TOM1L2: variants seen among roughly 807,000 people sequenced by gnomAD.
TOM1L2 encodes TOM1-like protein 2.
Under a neutral mutation model 67.9 loss-of-function variants are expected in TOM1L2, and 31 were observed. The observed-to-expected ratio is 0.46, with a 90% CI of 0.34 to 0.62. The LOEUF is 0.62. Among genes scored for constraint, TOM1L2 ranks in the 20% least tolerant of loss-of-function variants. The pLI is 0.01. For synonymous variants in TOM1L2, 256 were observed against 254.0 expected (o/e 1.01, Z -0.07); for missense variants, 606 against 663.5 (o/e 0.91, Z 0.95).
intron 4 of TOM1L2, among the ~76,000 whole-genome samples, chr17:17,890,990 T>A (rs1011817832): frequency 3.9e-5 from 6 of 152,184 alleles, no homozygotes; most frequent in Non-Finnish European, 5.9e-5. Context: ...AGGTAAGAGC[T>A]CTTCAGGAAC....
Position 17,847,563 on chromosome 17 carries a change from A to C in TOM1L2, c.*72T>G. On this transcript the variant is annotated 3_prime_UTR_variant, in exon 15 of 15. Coordinates refer to ENST00000379504, the MANE Select transcript of TOM1L2 (RefSeq NM_001082968.2). The stretch of plus-strand genomic sequence containing the variant: ...GGCCGTGTGGAGCTGGGGATGTAGG[A>C]GTGGCCAGTGCCCGGTGTCCACGGG... 6.5e-7 allele frequency: 1 copy of C among 1,530,612 alleles called. No individual in the cohort carries two copies. The highest frequency in any genetic ancestry group is 8.8e-7 in the Non-Finnish European group (1 of 1,141,664). The allele number at this position is 1,530,612 out of a possible 1,614,324, so 94.8% of individuals were successfully genotyped here.
chr17:17,907,207 T>C (rs2039136884), intron 2 of TOM1L2, among the ~76,000 whole-genome samples: 1 of 152,224 alleles, frequency 6.6e-6, no homozygotes, highest in Non-Finnish European at 1.5e-5. Flanking sequence ...CCACTTGTGA[T>C]TAAAAGCAGG....
rs190788582 is a variant in TOM1L2, at chr17:17,900,127, C to T, written c.138-1453G>A. 5.6e-4 allele frequency among the ~76,000 whole-genome samples: 85 copies of T among 151,878 alleles called. 1 individual carries two copies. In the East Asian group the frequency reaches 0.016, roughly 28 times the overall value. On this transcript the variant is annotated intron_variant, in intron 2 of 14. Coordinates refer to ENST00000379504, the MANE Select transcript of TOM1L2 (RefSeq NM_001082968.2). ...GCTCGGGAGGCTGAGGCAGGAGAAT[C>T]GCTTGAACCTGGGAGACGGAGGTTG...
At chr17:17,848,060 T>C (rs2035747809) in intron 14 of TOM1L2, among the ~76,000 whole-genome samples, 1 of 152,186 alleles carries the variant, frequency 6.6e-6, no homozygotes, top group South Asian at 2.1e-4. Context: ...TTTTGTCCAT[T>C]TTCCAGATCA....
At chr17:17,936,140 C>A (rs2040506834) in intron 1 of TOM1L2, among the ~76,000 whole-genome samples, 1 of 152,242 alleles carries the variant, frequency 6.6e-6, no homozygotes, top group Non-Finnish European at 1.5e-5. Flanking sequence ...CTCTCTCCAC[C>A]CTCCCTTCGG....
intron 1 of TOM1L2, among the ~76,000 whole-genome samples, chr17:17,939,059 A>T (rs976786902): frequency 1.3e-5 from 2 of 152,206 alleles, no homozygotes; most frequent in Non-Finnish European, 2.9e-5. Context: ...ATGGGATGAA[A>T]AGGATAAAAT....
chr17:17,911,062 G>A (rs190114974), intron 1 of TOM1L2, among the ~76,000 whole-genome samples: 2 of 152,334 alleles, frequency 1.3e-5, no homozygotes, highest in Admixed American at 1.3e-4. Flanking sequence ...GCTGGATTGC[G>A]AGGCTCCTCC....
At chr17:17,970,906 G>A (rs1338712351) in intron 1 of TOM1L2, among the ~76,000 whole-genome samples, 2 of 152,182 alleles carry the variant, frequency 1.3e-5, no homozygotes, top group Non-Finnish European at 2.9e-5. Context: ...GAGGAATCCA[G>A]TTTTCAAACA....
chr17:17,849,536 C>T (rs112367971), intron 13 of TOM1L2, among the ~76,000 whole-genome samples: 5,476 of 152,326 alleles, frequency 0.036, 237 homozygotes, highest in African/African-American at 0.1. Context: ...GCTCTGTGCA[C>T]TCAAAAATTA....
intron 1 of TOM1L2, among the ~76,000 whole-genome samples, chr17:17,928,405 A>AT (rs2040184496): frequency 6.6e-6 from 1 of 152,252 alleles, no homozygotes. Flanking sequence ...GGAAATCGGC[A>AT]TAGGAATGCT....
At chr17:17,885,696 G>A (rs931551233) in intron 4 of TOM1L2, among the ~76,000 whole-genome samples, 6 of 151,848 alleles carry the variant, frequency 4.0e-5, no homozygotes, top group African/African-American at 1.5e-4. Context: ...AGGCCGAGGC[G>A]GACGGATCAC....
intron 1 of TOM1L2, among the ~76,000 whole-genome samples, chr17:17,950,828 C>T (rs2144893721): frequency 6.6e-6 from 1 of 152,178 alleles, no homozygotes; most frequent in East Asian, 1.9e-4. Flanking sequence ...TAAGGGAAAA[C>T]CATGAAGGTA....
intron 7 of TOM1L2, among the ~76,000 whole-genome samples, chr17:17,875,494 G>T (rs2037379572): frequency 6.6e-6 from 1 of 152,094 alleles, no homozygotes; most frequent in African/African-American, 2.4e-5. Flanking sequence ...CCTACTGCTT[G>T]CTCAGGTCAC....
chr17:17,968,234 C>G (rs1034351867), intron 1 of TOM1L2, among the ~76,000 whole-genome samples: 4 of 152,236 alleles, frequency 2.6e-5, no homozygotes, highest in East Asian at 1.9e-4. Context: ...CCTGGCCCCC[C>G]ACAGGCACTC....
intron 1 of TOM1L2, among the ~76,000 whole-genome samples, chr17:17,958,108 A>G (rs1398381452): frequency 6.6e-6 from 1 of 152,050 alleles, no homozygotes; most frequent in African/African-American, 2.4e-5. Flanking sequence ...AAAAAAGAAA[A>G]GAAAAACTAA....
intron 1 of TOM1L2, among the ~76,000 whole-genome samples, chr17:17,917,962 C>T (rs1417045555): frequency 6.6e-6 from 1 of 152,066 alleles, no homozygotes; most frequent in Non-Finnish European, 1.5e-5. Context: ...TAAAAAAAAA[C>T]TGTCTTCCCA....
chr17:17,847,709 C>A lies in TOM1L2; in HGVS notation c.1450G>T (p.Ala484Ser), dbSNP rs1439525637. ...VPDLPSPPME[A>S]PAPASNPSGR... The stretch of plus-strand genomic sequence containing the variant: ...GAAGGGTTTGAGGCTGGGGCAGGAG[C>A]CTCCATGGGGGGCGAGGGGAGGTCG... Residue 484 changes from alanine to serine, a missense_variant, in exon 15 of 15, where the codon GCT becomes TCT. By Grantham distance (99) the Ala-to-Ser change is moderately conservative. Coordinates refer to ENST00000379504, the MANE Select transcript of TOM1L2 (RefSeq NM_001082968.2). The A allele has an allele frequency of 5.6e-6, 9 of 1,613,854 alleles. No homozygotes were observed. In the South Asian group the frequency reaches 6.6e-5, roughly 12 times the overall value.
intron 1 of TOM1L2, 128 bp from the exon 2 acceptor site, chr17:17,907,659 C>G: frequency 2.8e-6 from 2 of 720,012 alleles, no homozygotes; most frequent in Non-Finnish European, 4.6e-6. Context: ...CAGAGCCATT[C>G]TAGGAGTGCT....
At chr17:17,894,187 G>A (rs922704722) in intron 3 of TOM1L2, among the ~76,000 whole-genome samples, 3 of 152,138 alleles carry the variant, frequency 2.0e-5, no homozygotes, top group African/African-American at 4.8e-5. Context: ...TTAGCCAATC[G>A]GACATGGGCT....
Sources: gnomAD v4.1 joint callset for allele counts (sites outside exome capture counted in the v4.1 genomes callset) on GRCh38, gnomAD v4.1.1 for gene constraint, MANE v1.5 for transcripts, NCBI Gene and HGNC (gene_info 2026-07-23, HGNC 2026-07-21) for gene names.